FCRL4: variants seen among roughly 807,000 people sequenced by gnomAD.
The protein encoded by FCRL4 is Fc receptor like 4, also known as Fc receptor-like protein 4.
In FCRL4, 43 loss-of-function variants were observed where a neutral mutation model predicts 64.1. That is an observed-to-expected ratio of 0.67 (90% CI 0.53 to 0.87). The LOEUF (loss-of-function observed/expected upper bound fraction) is 0.87. FCRL4 is among the 40% of genes least tolerant of loss of function. FCRL4 has a pLI of 0.00. For synonymous variants in FCRL4, 253 were observed against 239.8 expected (o/e 1.05, Z -0.51); for missense variants, 656 against 613.5 (o/e 1.07, Z -0.73).
At chr1:157,582,623 C>T (rs571875796) in intron 6 of FCRL4, among the ~76,000 whole-genome samples, 70 of 152,240 alleles carry the variant, frequency 4.6e-4, no homozygotes, top group African/African-American at 1.6e-3. Context: ...TCATGATTTC[C>T]GTTTATTTTC....
Position 157,578,752 on chromosome 1 carries a change from C to T in FCRL4, c.1360+18G>A, listed in dbSNP as rs1652476080. 6.2e-7 allele frequency: 1 copy of T among 1,612,168 alleles called. No individual in the cohort carries two copies. Among genetic ancestry groups the T allele is most frequent in the Non-Finnish European group, 8.5e-7 (1 of 1,178,572 alleles). ...CATGGCTGAGGCCAGGAACAGCTTC[C>T]TAGAAGGGAATCCTCACCATCAACA... On this transcript the variant is annotated intron_variant, in intron 9 of 11. Transcript: ENST00000271532.
Position 157,594,102 on chromosome 1 carries a change from C to T in FCRL4, c.52+2226G>A, listed in dbSNP as rs144690680. ...AGTATGGCAGAGCAAGACCTATTAA[C>T]GATTATGAAGGAGAAATCTATAATA... is the stretch of plus-strand genomic sequence containing the variant. On this transcript the variant is annotated intron_variant, in intron 2 of 11. Coordinates refer to ENST00000271532, the MANE Select transcript of FCRL4 (RefSeq NM_031282.3). Among the ~76,000 whole-genome samples, 292 of 152,266 alleles carry T rather than the reference C, an allele frequency of 1.9e-3. 2 individuals carry two copies. Among genetic ancestry groups the T allele is most frequent in the African/African-American group, 6.5e-3 (268 of 41,530 alleles).
At chr1:157,596,491 AAC>A in intron 1 of FCRL4, 143 bp from the exon 2 acceptor site, 2 of 937,108 alleles carry the variant, frequency 2.1e-6, no homozygotes, top group Non-Finnish European at 3.4e-6. Flanking sequence ...GAAGCGGGGA[AAC>A]ACAGTGGCCA....
chr1:157,598,061 T>A lies in FCRL4; in HGVS notation c.-117A>T. On this transcript the variant is annotated 5_prime_UTR_variant, in exon 1 of 12. It introduces an in-frame stop codon into an upstream open reading frame of the 5' UTR. Transcript: ENST00000271532. ...AGCAGTGAGCTCAGTAAGCTTCTTC[T>A]CTGCATAAAGCTGATTGAGATAATG... The A allele has an allele frequency of 1.4e-6, 1 of 730,128 alleles. No homozygotes were observed. Among genetic ancestry groups the A allele is most frequent in the Non-Finnish European group, 2.5e-6 (1 of 406,534 alleles). The allele number at this position is 730,128 out of a possible 1,614,324, so 45.2% of individuals were successfully genotyped here.
rs1314158713 is a variant in FCRL4, at chr1:157,587,383, T to G, written c.740A>C (p.Gln247Pro). 6.2e-7 allele frequency: 1 copy of G among 1,614,224 alleles called. No homozygotes were observed. The highest frequency in any genetic ancestry group is 1.1e-5 in the South Asian group (1 of 91,088). ...GTTTTCTCTCCAGACGGTTGGGAGC[T>G]GGAGTTCCGGGTACGTGCTCCAGTC... Reference protein sequence around the residue: ...LSDWSTYPELQLPTVWRENSG... With the variant: ...LSDWSTYPELPLPTVWRENSG... Residue 247 changes from glutamine to proline, a missense_variant, in exon 5 of 12, where the codon CAG becomes CCG. Coordinates refer to ENST00000271532, the MANE Select transcript of FCRL4 (RefSeq NM_031282.3).
rs773630505 is a variant in FCRL4 at position 157,587,933 on chromosome 1, T to G, written c.494A>C (p.Tyr165Ser). 6.2e-7 allele frequency: 1 copy of G among 1,612,440 alleles called. No homozygotes were observed. Among genetic ancestry groups the G allele is most frequent in the Non-Finnish European group, 8.5e-7 (1 of 1,178,832 alleles). ...CTCGTCTCCATATCCAATGCATCGA[T>G]AATTGCCATTGTTATTTGAACTTGC... is the stretch of plus-strand genomic sequence containing the variant. ...PQASSNNNGN[Y>S]RCIGYGDEND... Residue 165 changes from tyrosine (Y) to serine (S), a missense_variant, in exon 4 of 12, where the codon TAT (tyrosine) becomes TCT (serine). Transcript: ENST00000271532.
In FCRL4 at chr1:157,586,447, C is replaced by A; in HGVS notation, c.856G>T (p.Val286Leu). The part of the protein sequence containing the change: ...SLQIHVQRIP[V>L]SGVLLETQPS... The stretch of plus-strand genomic sequence containing the variant: ...TGGGTCTCCAGGAGCACCCCAGACA[C>A]AGGGATCCCTATGTGAAAATGAGAC... Residue 286 changes from valine to leucine, a missense_variant, in exon 6 of 12, where the codon GTG (valine) becomes TTG (leucine). Transcript: ENST00000271532. 1 of 1,606,044 alleles carries A rather than the reference C, an allele frequency of 6.2e-7. No individual in the cohort carries two copies. The highest frequency in any genetic ancestry group is 8.5e-7 in the Non-Finnish European group (1 of 1,177,490).
chr1:157,586,154 A>G lies in FCRL4; in HGVS notation c.1135+14T>C. The G allele has an allele frequency of 1.9e-6, 3 of 1,594,442 alleles. No homozygotes were observed. Among genetic ancestry groups the G allele is most frequent in the Non-Finnish European group, 2.6e-6 (3 of 1,166,256 alleles). Reference sequence around the variant, plus strand: ...TGCTGAGAATAAATAAGGTCAATAGAGATTAAAACTCACCTCTCACAGTGA... The same window carrying G: ...TGCTGAGAATAAATAAGGTCAATAGGGATTAAAACTCACCTCTCACAGTGA... On this transcript the variant is annotated intron_variant, in intron 6 of 11. Coordinates refer to ENST00000271532, the MANE Select transcript of FCRL4 (RefSeq NM_031282.3).
intron 5 of FCRL4, 108 bp downstream of exon 5, chr1:157,587,168 G>A: frequency 2.3e-6 from 3 of 1,288,416 alleles, no homozygotes; most frequent in Non-Finnish European, 3.2e-6. Flanking sequence ...CCTAAGCCTG[G>A]TGCCTCTGTC....
Position 157,598,018 on chromosome 1 carries a change from C to G in FCRL4, c.-74G>C. 1 of 1,089,966 alleles carries G rather than the reference C, an allele frequency of 9.2e-7. No homozygotes were observed. Among genetic ancestry groups the G allele is most frequent in the Non-Finnish European group, 1.4e-6 (1 of 709,042 alleles). 67.5% of individuals were successfully genotyped at this position (1,089,966 alleles called of 1,614,324 possible). A position where few individuals can be genotyped will look rare whatever the true frequency, so the allele number is the denominator to read the frequency against. On this transcript the variant is annotated 5_prime_UTR_variant, in exon 1 of 12. Transcript: ENST00000271532. Reference sequence around the variant, plus strand: ...GTCAGCCCAGATTGCCAAAGCAGCACTTGCCTACACCAGCACCAGCAGTGA... The same window carrying G: ...GTCAGCCCAGATTGCCAAAGCAGCAGTTGCCTACACCAGCACCAGCAGTGA...
intron 4 of FCRL4, 97 bp from the exon 5 acceptor site, chr1:157,587,657 A>G (rs968711497): frequency 3.0e-6 from 4 of 1,340,234 alleles, no homozygotes; most frequent in Non-Finnish European, 4.1e-6. Flanking sequence ...CTTCAGACAC[A>G]CAGCAAGACA....
chr1:157,584,994 T>A (rs1652641043), intron 6 of FCRL4, among the ~76,000 whole-genome samples: 1 of 152,084 alleles, frequency 6.6e-6, no homozygotes, highest in South Asian at 2.1e-4. Context: ...GAGGGAGGGA[T>A]CAATTGTATC....
Position 157,586,461 on chromosome 1 carries a change from T to G in FCRL4, c.848-6A>C. ...CACCCCAGACACAGGGATCCCTATG[T>G]GAAAATGAGACCACAGGTGGGGGTC... On this transcript the variant is annotated splice_polypyrimidine_tract_variant and splice_region_variant and intron_variant, in intron 5 of 11. Coordinates refer to ENST00000271532, the MANE Select transcript of FCRL4 (RefSeq NM_031282.3). The G allele has an allele frequency of 6.3e-7, 1 of 1,599,636 alleles. No homozygotes were observed. Among genetic ancestry groups the G allele is most frequent in the Non-Finnish European group, 8.5e-7 (1 of 1,174,626 alleles).
intron 6 of FCRL4, among the ~76,000 whole-genome samples, chr1:157,584,212 G>T (rs754326460): frequency 3.9e-5 from 6 of 152,120 alleles, no homozygotes; most frequent in Non-Finnish European, 7.4e-5. Flanking sequence ...TGTTACTCTG[G>T]ATTTCAGGGC....
chr1:157,581,948 C>G (rs1652570871), intron 6 of FCRL4, among the ~76,000 whole-genome samples: 1 of 152,172 alleles, frequency 6.6e-6, no homozygotes, highest in African/African-American at 2.4e-5. Context: ...CCCCAGACAC[C>G]TGGAGAGATA....
chr1:157,578,922 A>G (rs1652482711), intron 8 of FCRL4, 70 bp from the exon 9 acceptor site: 1 of 1,248,646 alleles, frequency 8.0e-7, no homozygotes, highest in East Asian at 2.4e-5. Context: ...ATACCCAGGG[A>G]GAGCGGCAGA....
At chr1:157,580,494 A>G in intron 7 of FCRL4, 146 bp from the exon 8 acceptor site, 2 of 799,454 alleles carry the variant, frequency 2.5e-6, no homozygotes, top group South Asian at 3.1e-5. Context: ...AAATGAGGTG[A>G]AAAAAAGATT....
chr1:157,576,908 G>C (rs1486487870), intron 10 of FCRL4, among the ~76,000 whole-genome samples: 1 of 152,176 alleles, frequency 6.6e-6, no homozygotes, highest in Non-Finnish European at 1.5e-5. Flanking sequence ...GTCCTTCTCT[G>C]AGTCTTATGT....
At chr1:157,591,359 G>A (rs1348820222) in intron 2 of FCRL4, among the ~76,000 whole-genome samples, 2 of 152,102 alleles carry the variant, frequency 1.3e-5, no homozygotes, top group African/African-American at 2.4e-5. Context: ...ATTTTGGGGT[G>A]AAATATTTTG....
Sources: gnomAD v4.1 joint callset for allele counts (sites outside exome capture counted in the v4.1 genomes callset) on GRCh38, gnomAD v4.1.1 for gene constraint, MANE v1.5 for transcripts, NCBI Gene and HGNC (gene_info 2026-07-23, HGNC 2026-07-21) for gene names.